Variants in CSRNP3 observed in about 807,000 individuals in gnomAD.
The protein encoded by CSRNP3 is cysteine/serine-rich nuclear protein 3.
Under a neutral mutation model 48.0 loss-of-function variants are expected in CSRNP3, and 12 were observed. The ratio of observed to expected loss-of-function variants is 0.25; its 90% CI spans 0.16 to 0.41. The LOEUF is 0.41. Ranked by LOEUF, CSRNP3 falls within the 10% of genes least tolerant of loss-of-function variation. The probability of loss-of-function intolerance (pLI) is 1.00; values close to 1 mark genes in which losing one functional copy is unlikely to be tolerated. For missense variants in CSRNP3, 580 were observed against 724.4 expected (o/e 0.80, Z 2.29); for synonymous variants, 263 against 269.7 (o/e 0.98, Z 0.24).
At chr2:165,542,702 TTC>T (rs1378465226) in intron 3 of CSRNP3, among the ~76,000 whole-genome samples, 11 of 152,170 alleles carry the variant, frequency 7.2e-5, no homozygotes, top group Admixed American at 7.2e-4. Context: ...TGTATGATTA[TTC>T]TCTCTGTATA....
intron 3 of CSRNP3, among the ~76,000 whole-genome samples, chr2:165,541,031 C>T (rs994212120): frequency 6.6e-6 from 1 of 151,824 alleles, no homozygotes; most frequent in Admixed American, 6.6e-5. Context: ...TCTTGTATTG[C>T]CCCAACTGCT....
At chr2:165,541,118 T>A (rs911489287) in intron 3 of CSRNP3, among the ~76,000 whole-genome samples, 7 of 151,984 alleles carry the variant, frequency 4.6e-5, no homozygotes, top group Non-Finnish European at 1.0e-4. Flanking sequence ...AAGGGTCAGT[T>A]ACTGTTTGTA....
At chr2:165,644,665 T>C (rs1299070285) in intron 4 of CSRNP3, among the ~76,000 whole-genome samples, 1 of 152,148 alleles carries the variant, frequency 6.6e-6, no homozygotes, top group Non-Finnish European at 1.5e-5. Context: ...AAAGAACAGT[T>C]ACTTCATCCT....
intron 4 of CSRNP3, among the ~76,000 whole-genome samples, chr2:165,601,163 C>T (rs188546753): frequency 2.0e-5 from 3 of 152,288 alleles, no homozygotes; most frequent in Admixed American, 2.0e-4. Context: ...CTGTGAAACG[C>T]TTTGTTTCAT....
At position 165,686,258 on chromosome 2, in the gene CSRNP3, C is replaced by T. The variant is rs1687629064; in HGVS notation, c.*6505C>T. 1 of 152,044 alleles carries T rather than the reference C, an allele frequency of 6.6e-6. No homozygotes were observed. Among genetic ancestry groups the T allele is most frequent in the African/African-American group, 2.4e-5 (1 of 41,422 alleles). The allele number at this position is 152,044 out of a possible 1,614,324, so 9.4% of individuals were successfully genotyped here. ...AGTCCTACTGCCACACTGGATAAGG[C>T]CACTACCCCCGACCCTTCTTGTCAG... On this transcript the variant is annotated 3_prime_UTR_variant, in exon 7 of 7. Coordinates refer to ENST00000651982, the MANE Select transcript of CSRNP3 (RefSeq NM_001172173.2).
At chr2:165,628,529 G>T (rs1686477414) in intron 4 of CSRNP3, among the ~76,000 whole-genome samples, 1 of 152,044 alleles carries the variant, frequency 6.6e-6, no homozygotes, top group African/African-American at 2.4e-5. Flanking sequence ...TTCAAGACCA[G>T]CCTGGCCAAC....
intron 3 of CSRNP3, among the ~76,000 whole-genome samples, chr2:165,552,054 A>G (rs927401730): frequency 6.6e-6 from 1 of 152,254 alleles, no homozygotes; most frequent in Non-Finnish European, 1.5e-5. Flanking sequence ...AAACTTTATC[A>G]TCACAACATG....
chr2:165,679,912 C>A lies in CSRNP3; in HGVS notation c.*159C>A. ...TGTTTTTTCCTTTCTAGCCACATGA[C>A]TGTGGCATTGCACAAATACAGTCTC... On this transcript the variant is annotated 3_prime_UTR_variant, in exon 7 of 7. Coordinates refer to ENST00000651982, the MANE Select transcript of CSRNP3 (RefSeq NM_001172173.2). 1.0e-6 allele frequency: 1 copy of A among 956,244 alleles called. No homozygotes were observed. The highest frequency in any genetic ancestry group is 1.6e-6 in the Non-Finnish European group (1 of 643,618). 59.2% of individuals were successfully genotyped at this position (956,244 alleles called of 1,614,324 possible). A position where few individuals can be genotyped will look rare whatever the true frequency, so the allele number is the denominator to read the frequency against.
chr2:165,532,187 G>A (rs1684822421), intron 3 of CSRNP3, among the ~76,000 whole-genome samples: 1 of 152,114 alleles, frequency 6.6e-6, no homozygotes, highest in Admixed American at 6.5e-5. Context: ...GAAAAAGAGG[G>A]AATCCTCCCT....
intron 1 of CSRNP3, among the ~76,000 whole-genome samples, chr2:165,486,106 A>C (rs1684110331): frequency 6.6e-6 from 1 of 152,216 alleles, no homozygotes; most frequent in Non-Finnish European, 1.5e-5. Flanking sequence ...CGCGAGCCGA[A>C]GCAGGGCGAG....
chr2:165,660,794 T>A lies in CSRNP3; in HGVS notation c.408+2774T>A, dbSNP rs560540380. 2.0e-5 allele frequency among the ~76,000 whole-genome samples: 3 copies of A among 152,326 alleles called. No homozygotes were observed. The South Asian group carries it at 6.2e-4, about 32-fold the overall frequency. The stretch of plus-strand genomic sequence containing the variant: ...CATCTGAGCTAGTGTCAGGTATCAG[T>A]TTGTTATTGGTAATTGAAAACACAG... On this transcript the variant is annotated intron_variant, in intron 5 of 6. Transcript: ENST00000651982.
At chr2:165,665,877 A>G (rs1687176438) in intron 5 of CSRNP3, among the ~76,000 whole-genome samples, 1 of 149,926 alleles carries the variant, frequency 6.7e-6, no homozygotes, top group Non-Finnish European at 1.5e-5. Flanking sequence ...AGAAAGAAAG[A>G]GAGAGAGGAA....
intron 3 of CSRNP3, among the ~76,000 whole-genome samples, chr2:165,564,283 C>T (rs1292340843): frequency 4.6e-5 from 7 of 150,848 alleles, no homozygotes; most frequent in African/African-American, 1.2e-4. Flanking sequence ...TTAAACATAA[C>T]AGCAGTTGCA....
At chr2:165,624,977 T>C (rs1686405538) in intron 4 of CSRNP3, among the ~76,000 whole-genome samples, 1 of 152,204 alleles carries the variant, frequency 6.6e-6, no homozygotes. Context: ...AGCCGGCAAC[T>C]GCATCACACT....
chr2:165,543,859 C>G (rs967459109), intron 3 of CSRNP3, among the ~76,000 whole-genome samples: 1 of 151,990 alleles, frequency 6.6e-6, no homozygotes, highest in African/African-American at 2.4e-5. Context: ...TGAGCTTCAA[C>G]TATATGCAAA....
At chr2:165,588,933 G>C (rs1361114268) in intron 3 of CSRNP3, among the ~76,000 whole-genome samples, 2 of 152,108 alleles carry the variant, frequency 1.3e-5, no homozygotes, top group Non-Finnish European at 2.9e-5. Flanking sequence ...CTGCACTCCA[G>C]ACTAGGCGAC....
intron 1 of CSRNP3, among the ~76,000 whole-genome samples, chr2:165,480,303 A>G (rs888843138): frequency 6.6e-6 from 1 of 152,200 alleles, no homozygotes; most frequent in Non-Finnish European, 1.5e-5. Context: ...TTCATGTGCA[A>G]AATCCTTTTT....
At chr2:165,668,960 G>A (rs1326550384) in intron 5 of CSRNP3, among the ~76,000 whole-genome samples, 2 of 152,052 alleles carry the variant, frequency 1.3e-5, no homozygotes, top group Admixed American at 1.3e-4. Flanking sequence ...CTAGACTTTG[G>A]CAAATTATAT....
At position 165,474,358 on chromosome 2, in the gene CSRNP3, G is replaced by A. The variant is rs535364849; in HGVS notation, c.-283+4618G>A. Among the ~76,000 whole-genome samples the A allele has an allele frequency of 3.6e-3, 541 of 152,184 alleles. 2 individuals carry two copies. Among genetic ancestry groups the A allele is most frequent in the South Asian group, 0.014 (68 of 4,822 alleles). On this transcript the variant is annotated intron_variant, in intron 1 of 6. Coordinates refer to ENST00000651982, the MANE Select transcript of CSRNP3 (RefSeq NM_001172173.2). ...GGGCTCCAATGATTATTCTGCTGCA[G>A]CCTCCCAAGTGGCTGGGGGATTGCA...
Sources: gnomAD v4.1 joint callset for allele counts (sites outside exome capture counted in the v4.1 genomes callset) on GRCh38, gnomAD v4.1.1 for gene constraint, MANE v1.5 for transcripts, NCBI Gene and HGNC (gene_info 2026-07-23, HGNC 2026-07-21) for gene names.